Variants in NEDD4 observed in about 807,000 individuals in gnomAD.
NEDD4 encodes the protein E3 ubiquitin-protein ligase NEDD4.
Under a neutral mutation model 144.9 loss-of-function variants are expected in NEDD4, and 99 were observed. The observed-to-expected ratio is 0.68, with a 90% CI of 0.58 to 0.81. The LOEUF (loss-of-function observed/expected upper bound fraction) is 0.81, where lower values mean the gene tolerates loss of function less well. NEDD4 is among the 30% of genes least tolerant of loss of function. The pLI is 0.00. For synonymous variants in NEDD4, 318 were observed against 350.6 expected (o/e 0.91, Z 1.04); for missense variants, 985 against 1,065.9 (o/e 0.92, Z 1.06).
rs149287342 is a variant in NEDD4, at chr15:55,911,473, C to T, written c.291+13173G>A. ...TCCTCTCTCCAGATAAATAATGTCA[C>T]ATCTTTCTACTTTTTCATACACACC... On this transcript the variant is annotated intron_variant, in intron 5 of 28. Transcript: ENST00000435532. Among the ~76,000 whole-genome samples the T allele has an allele frequency of 5.5e-3, 843 of 152,236 alleles. 4 individuals carry two copies. Among genetic ancestry groups the T allele is most frequent in the African/African-American group, 0.019 (810 of 41,546 alleles).
intron 1 of NEDD4, among the ~76,000 whole-genome samples, chr15:55,969,813 C>T (rs536217780): frequency 2.0e-5 from 3 of 152,168 alleles, no homozygotes; most frequent in African/African-American, 4.8e-5. Context: ...ATGCTGACTT[C>T]GGGTGTGATC....
intron 1 of NEDD4, among the ~76,000 whole-genome samples, chr15:55,976,848 T>C (rs1428146738): frequency 6.6e-6 from 1 of 152,086 alleles, no homozygotes; most frequent in East Asian, 1.9e-4. Flanking sequence ...TTAGCAAGGA[T>C]GGTCTCGATC....
intron 21 of NEDD4, among the ~76,000 whole-genome samples, chr15:55,840,022 AT>A (rs1566901209): frequency 0.038 from 2,848 of 74,792 alleles, 163 homozygotes; most frequent in Non-Finnish European, 0.05. Flanking sequence ...ATATATATAT[AT>A]ATATATATAT....
At chr15:55,923,851 A>G in intron 5 of NEDD4, among the ~76,000 whole-genome samples, 1 of 151,820 alleles carries the variant, frequency 6.6e-6, no homozygotes, top group Non-Finnish European at 1.5e-5. Context: ...AAAAAAAGCT[A>G]GTTTCTCTGT....
At chr15:55,941,912 T>G (rs2037012672) in intron 4 of NEDD4, among the ~76,000 whole-genome samples, 1 of 152,106 alleles carries the variant, frequency 6.6e-6, no homozygotes, top group Non-Finnish European at 1.5e-5. Context: ...GTACTGAAAC[T>G]CGGTTTGTGG....
At chr15:55,873,861 A>G in intron 6 of NEDD4, 97 bp downstream of exon 6, 3 of 527,646 alleles carry the variant, frequency 5.7e-6, no homozygotes, top group Non-Finnish European at 9.8e-6. Flanking sequence ...TATACATTTG[A>G]TAAATCAATT....
At position 55,838,499 on chromosome 15, in the gene NEDD4, A is replaced by C. The variant is rs776906011; in HGVS notation, c.2127+10T>G. ...TTATGTGCCATTTTAACTGATCAAA[A>C]TTCACAAACCTGTCCAAAAAGTTCT... is the stretch of plus-strand genomic sequence containing the variant. On this transcript the variant is annotated intron_variant, in intron 22 of 28. Coordinates refer to ENST00000435532, the MANE Select transcript of NEDD4 (RefSeq NM_006154.4). 4 of 1,596,810 alleles carry C rather than the reference A, an allele frequency of 2.5e-6. No homozygotes were observed. The highest frequency in any genetic ancestry group is 3.4e-6 in the Non-Finnish European group (4 of 1,165,500).
intron 4 of NEDD4, among the ~76,000 whole-genome samples, chr15:55,927,077 C>CAAAAAAAAAAAAAAAAAAAAAAA (rs57940091): frequency 7.1e-5 from 5 of 70,662 alleles, no homozygotes; most frequent in Admixed American, 3.7e-4. Context: ...GACTACGTCT[C>CAAAAAAAAAAAAAAAAAAAAAAA]AAAAAAAAAA....
intron 5 of NEDD4, among the ~76,000 whole-genome samples, chr15:55,893,962 T>C (rs1394602611): frequency 6.6e-6 from 1 of 152,040 alleles, no homozygotes; most frequent in Non-Finnish European, 1.5e-5. Flanking sequence ...AATGGGCTTA[T>C]TTAAAACATT....
chr15:55,930,703 T>TG (rs1242365367), intron 4 of NEDD4, among the ~76,000 whole-genome samples: 1 of 152,202 alleles, frequency 6.6e-6, no homozygotes, highest in African/African-American at 2.4e-5. Context: ...AATTGAATCA[T>TG]GGGGGTAGTT....
At chr15:55,897,373 G>C (rs2035772337) in intron 5 of NEDD4, among the ~76,000 whole-genome samples, 1 of 152,142 alleles carries the variant, frequency 6.6e-6, no homozygotes, top group South Asian at 2.1e-4. Context: ...AAGTACTCTA[G>C]GACGTGGAGG....
chr15:55,873,748 C>G (rs2034890864), intron 6 of NEDD4, among the ~76,000 whole-genome samples: 1 of 152,074 alleles, frequency 6.6e-6, no homozygotes, highest in Admixed American at 6.6e-5. Flanking sequence ...CAGAAATTCT[C>G]TATTTCTCAC....
At chr15:55,835,420 GTT>G (rs56792157) in intron 24 of NEDD4, among the ~76,000 whole-genome samples, 4 of 108,354 alleles carry the variant, frequency 3.7e-5, no homozygotes, top group Admixed American at 9.6e-5. Context: ...CTCCTGTTCT[GTT>G]TTTTTTTTTT....
At chr15:55,901,105 G>C (rs1236081685) in intron 5 of NEDD4, among the ~76,000 whole-genome samples, 1 of 151,622 alleles carries the variant, frequency 6.6e-6, no homozygotes, top group African/African-American at 2.4e-5. Flanking sequence ...GCATTTATGG[G>C]GTACATGAGA....
intron 7 of NEDD4, among the ~76,000 whole-genome samples, chr15:55,870,529 CTTTTT>C (rs58174546): frequency 1.0e-4 from 12 of 117,396 alleles, no homozygotes; most frequent in Non-Finnish European, 1.1e-4. Flanking sequence ...TCTTCTTCTT[CTTTTT>C]TTTTTTTTTT....
At chr15:55,861,164 A>C (rs2034390710) in intron 9 of NEDD4, among the ~76,000 whole-genome samples, 1 of 152,204 alleles carries the variant, frequency 6.6e-6, no homozygotes, top group Admixed American at 6.5e-5. Flanking sequence ...TTACACATAC[A>C]TACATCTTTG....
intron 23 of NEDD4, 74 bp from the exon 24 acceptor site, chr15:55,837,923 C>T (rs1178646634): frequency 7.9e-7 from 1 of 1,273,658 alleles, no homozygotes; most frequent in Non-Finnish European, 1.1e-6. Context: ...TAGTTAGAAA[C>T]AAAAACTAAA....
chr15:55,917,543 A>G lies in NEDD4; in HGVS notation c.291+7103T>C, dbSNP rs577691544. 7.2e-5 allele frequency among the ~76,000 whole-genome samples: 11 copies of G among 152,230 alleles called. No homozygotes were observed. The South Asian group carries it at 2.3e-3, about 32-fold the overall frequency. The stretch of plus-strand genomic sequence containing the variant: ...AAACTTTACAATGAATTAAAACTTT[A>G]GCACTACATCAAATAGATACATATT... On this transcript the variant is annotated intron_variant, in intron 5 of 28. Transcript: ENST00000435532.
chr15:55,976,150 C>T (rs573117449), intron 1 of NEDD4, among the ~76,000 whole-genome samples: 2 of 152,098 alleles, frequency 1.3e-5, no homozygotes, highest in Non-Finnish European at 2.9e-5. Flanking sequence ...AGGAAACTCT[C>T]CAGAACACTG....
Sources: gnomAD v4.1 joint callset for allele counts (sites outside exome capture counted in the v4.1 genomes callset) on GRCh38, gnomAD v4.1.1 for gene constraint, MANE v1.5 for transcripts, NCBI Gene and HGNC (gene_info 2026-07-23, HGNC 2026-07-21) for gene names.